Variants in GRM7 observed in about 807,000 individuals in gnomAD.
GRM7 encodes metabotropic glutamate receptor 7.
A neutral mutation model predicts 84.5 loss-of-function variants in GRM7; 35 were observed. That is an observed-to-expected ratio of 0.41 (90% CI 0.32 to 0.55). GRM7 has a LOEUF of 0.55. Ranked by LOEUF, GRM7 falls within the 20% of genes least tolerant of loss-of-function variation. GRM7 has a pLI of 0.19. For synonymous variants in GRM7, 487 were observed against 455.1 expected (o/e 1.07, Z -0.89); for missense variants, 1,003 against 1,194.6 (o/e 0.84, Z 2.36).
At chr3:7,641,845 T>C (rs997444628) in intron 8 of GRM7, among the ~76,000 whole-genome samples, 3 of 152,146 alleles carry the variant, frequency 2.0e-5, no homozygotes, top group African/African-American at 7.2e-5. Flanking sequence ...TTGTAAATTC[T>C]TAAGATCACA....
chr3:7,482,053 T>C (rs1699150273), intron 7 of GRM7, among the ~76,000 whole-genome samples: 1 of 152,008 alleles, frequency 6.6e-6, no homozygotes, highest in African/African-American at 2.4e-5. Flanking sequence ...CCAGGTGTGG[T>C]TGTGGACACC....
intron 7 of GRM7, among the ~76,000 whole-genome samples, chr3:7,510,033 C>T (rs935591187): frequency 1.3e-5 from 2 of 152,104 alleles, no homozygotes; most frequent in Non-Finnish European, 2.9e-5. Flanking sequence ...TGCCTTAAAC[C>T]AAGTGCATCA....
At chr3:7,033,650 T>C (rs1168902088) in intron 1 of GRM7, among the ~76,000 whole-genome samples, 1 of 152,162 alleles carries the variant, frequency 6.6e-6, no homozygotes, top group Non-Finnish European at 1.5e-5. Flanking sequence ...CTAATTTCTT[T>C]TTACTTTCTC....
At chr3:7,622,253 A>G (rs956059064) in intron 8 of GRM7, among the ~76,000 whole-genome samples, 1 of 152,116 alleles carries the variant, frequency 6.6e-6, no homozygotes, top group Non-Finnish European at 1.5e-5. Flanking sequence ...TGGTAGGCAC[A>G]TGGGATAAAA....
chr3:7,080,507 A>T (rs1009996215), intron 1 of GRM7, among the ~76,000 whole-genome samples: 6 of 152,072 alleles, frequency 3.9e-5, no homozygotes, highest in Admixed American at 3.9e-4. Flanking sequence ...TATATGTTTC[A>T]TAGTCAGCGG....
chr3:7,516,333 C>T (rs1188578526), intron 7 of GRM7, among the ~76,000 whole-genome samples: 2 of 150,516 alleles, frequency 1.3e-5, no homozygotes, highest in Non-Finnish European at 3.0e-5. Context: ...AAAAATTAGC[C>T]AGGCGTGGTG....
chr3:6,915,015 A>C (rs1323927842), intron 1 of GRM7, among the ~76,000 whole-genome samples: 1 of 152,162 alleles, frequency 6.6e-6, no homozygotes, highest in Non-Finnish European at 1.5e-5. Context: ...TGATGTATGC[A>C]TTTGCTTCAA....
chr3:7,019,570 C>T lies in GRM7; in HGVS notation c.520-126882C>T, dbSNP rs1271871190. ...GGATCAGGGATGAATGAGTCGCCAT[C>T]ATTTTGTGATGCCAACAAGCATTTA... On this transcript the variant is annotated intron_variant, in intron 1 of 9. Coordinates refer to ENST00000357716, the MANE Select transcript of GRM7 (RefSeq NM_000844.4). Among the ~76,000 whole-genome samples the T allele has an allele frequency of 2.0e-5, 3 of 152,202 alleles. No individual in the cohort carries two copies. In the South Asian group the frequency reaches 6.2e-4, roughly 32 times the overall value.
chr3:7,096,860 C>A (rs1346086849), intron 1 of GRM7, among the ~76,000 whole-genome samples: 1 of 152,000 alleles, frequency 6.6e-6, no homozygotes, highest in Non-Finnish European at 1.5e-5. Flanking sequence ...AGGACAAAGA[C>A]CAGATATATT....
intron 1 of GRM7, among the ~76,000 whole-genome samples, chr3:7,016,268 C>T (rs1429896074): frequency 6.6e-6 from 1 of 152,140 alleles, no homozygotes; most frequent in African/African-American, 2.4e-5. Context: ...CCTTGCTCAC[C>T]ACACAGAAAA....
intron 1 of GRM7, among the ~76,000 whole-genome samples, chr3:6,931,732 C>A (rs1047764629): frequency 2.6e-5 from 4 of 152,146 alleles, no homozygotes; most frequent in African/African-American, 9.7e-5. Context: ...TTTATTACCC[C>A]CTGCACCAAA....
rs187833351 is a variant in GRM7, at chr3:7,589,470, G to A, written c.2451+10113G>A. Among the ~76,000 whole-genome samples the A allele has an allele frequency of 3.9e-5, 6 of 152,284 alleles. No homozygotes were observed. The East Asian group carries it at 1.2e-3, about 30-fold the overall frequency. On this transcript the variant is annotated intron_variant, in intron 8 of 9. Transcript: ENST00000357716. ...TACCCAGTTACAATGTACTAGGAAT[G>A]GGTCAGAATCTTAAGATGCTTCATT... is the stretch of plus-strand genomic sequence containing the variant.
intron 1 of GRM7, among the ~76,000 whole-genome samples, chr3:7,060,812 T>G (rs2124969179): frequency 6.6e-6 from 1 of 151,808 alleles, no homozygotes; most frequent in South Asian, 2.1e-4. Context: ...AATAAAATAT[T>G]ATGGGGAAAG....
intron 9 of GRM7, chr3:7,686,408 C>G: frequency 1.3e-6 from 2 of 1,561,034 alleles, no homozygotes; most frequent in Non-Finnish European, 1.8e-6. Flanking sequence ...ACTTGGTACA[C>G]TATCCCACCA....
chr3:7,616,704 T>C lies in GRM7; in HGVS notation c.2451+37347T>C, dbSNP rs555823085. On this transcript the variant is annotated intron_variant, in intron 8 of 9. Coordinates refer to ENST00000357716, the MANE Select transcript of GRM7 (RefSeq NM_000844.4). ...AACTTCTTAAAAAGTAGGTAAGATA[T>C]ATAAAAAGTCCTCAATCTTTTGATC... Among the ~76,000 whole-genome samples the C allele has an allele frequency of 1.7e-4, 26 of 152,288 alleles. No individual in the cohort carries two copies. In the South Asian group the frequency reaches 2.3e-3, roughly 13 times the overall value.
At chr3:7,293,790 G>A (rs1699721363) in intron 2 of GRM7, among the ~76,000 whole-genome samples, 1 of 152,114 alleles carries the variant, frequency 6.6e-6, no homozygotes, top group Admixed American at 6.5e-5. Context: ...GTCTCACAGT[G>A]ACACACTTGG....
intron 5 of GRM7, among the ~76,000 whole-genome samples, chr3:7,438,901 T>G (rs1697170507): frequency 6.6e-6 from 1 of 151,832 alleles, no homozygotes; most frequent in Non-Finnish European, 1.5e-5. Flanking sequence ...GGGGCAAGAG[T>G]TTAATTGTAG....
chr3:7,312,284 G>C (rs1032607160), intron 4 of GRM7, among the ~76,000 whole-genome samples: 6 of 152,104 alleles, frequency 3.9e-5, no homozygotes, highest in Admixed American at 3.9e-4. Context: ...GCAAAGGAGG[G>C]GCTTCCAGGG....
At position 7,081,140 on chromosome 3, in the gene GRM7, G is replaced by A. The variant is rs73808645; in HGVS notation, c.520-65312G>A. On this transcript the variant is annotated intron_variant, in intron 1 of 9. Transcript: ENST00000357716. ...AGAGTCCTTGTAGGATATAAGTACA[G>A]GCATACCTTGTTTTATTATGCCTCA... is the stretch of plus-strand genomic sequence containing the variant. 7.1e-4 allele frequency among the ~76,000 whole-genome samples: 108 copies of A among 152,106 alleles called. 1 individual carries two copies. The highest frequency in any genetic ancestry group is 2.6e-3 in the African/African-American group (106 of 41,526).
Sources: gnomAD v4.1 joint callset for allele counts (sites outside exome capture counted in the v4.1 genomes callset) on GRCh38, gnomAD v4.1.1 for gene constraint, MANE v1.5 for transcripts, NCBI Gene and HGNC (gene_info 2026-07-23, HGNC 2026-07-21) for gene names.